Variants in FBXL18 observed in about 807,000 individuals in gnomAD.
FBXL18 encodes the protein F-box/LRR-repeat protein 18.
A neutral mutation model predicts 46.0 loss-of-function variants in FBXL18; 36 were observed. That is an observed-to-expected ratio of 0.78 (90% confidence interval 0.60 to 1.03). The LOEUF (loss-of-function observed/expected upper bound fraction) is 1.03. FBXL18 is among the 50% of genes least tolerant of loss of function. The pLI is 0.00. For synonymous variants in FBXL18, 557 were observed against 465.3 expected (o/e 1.20, Z -2.54); for missense variants, 977 against 1,004.1 (o/e 0.97, Z 0.36).
intron 4 of FBXL18, chr7:5,489,425 A>C: frequency 2.2e-6 from 1 of 456,184 alleles, no homozygotes; most frequent in South Asian, 1.7e-5. Context: ...ACCTGAGGTC[A>C]GGAGTTAGAG....
chr7:5,462,689 T>C (rs1015255204), intron 4 of FBXL18, among the ~76,000 whole-genome samples: 1 of 151,762 alleles, frequency 6.6e-6, no homozygotes, highest in Non-Finnish European at 1.5e-5. Flanking sequence ...CAGTGGCTCA[T>C]GCCTGTAATC....
intron 3 of FBXL18, among the ~76,000 whole-genome samples, chr7:5,491,702 C>A (rs1783931325): frequency 6.6e-6 from 1 of 152,182 alleles, no homozygotes; most frequent in Admixed American, 6.5e-5. Context: ...GTCTACAGAG[C>A]CCGGCTTCAA....
downstream of FBXL18, among the ~76,000 whole-genome samples, chr7:5,472,427 C>G (rs145670411): frequency 6.6e-6 from 1 of 152,286 alleles, no homozygotes; most frequent in African/African-American, 2.4e-5. Flanking sequence ...AGGGCCCGTC[C>G]TTCTGGTTTT....
intron 3 of FBXL18, among the ~76,000 whole-genome samples, chr7:5,492,729 C>T (rs531576124): frequency 5.3e-5 from 8 of 152,206 alleles, no homozygotes; most frequent in East Asian, 3.9e-4. Flanking sequence ...CAGACACAGA[C>T]AGAAGGCGGC....
intron 4 of FBXL18, among the ~76,000 whole-genome samples, chr7:5,463,004 T>TATATACAC (rs1221961422): frequency 6.0e-5 from 5 of 83,932 alleles, no homozygotes; most frequent in African/African-American, 7.8e-5. Flanking sequence ...ATAATATATA[T>TATATACAC]ACACACACAC....
rs374566223 is a variant in FBXL18 at position 5,500,805 on chromosome 7, G to T, written c.1464C>A (p.Leu488=). The T allele has an allele frequency of 1.0e-4, 161 of 1,612,470 alleles. No individual in the cohort carries two copies. The highest frequency in any genetic ancestry group is 1.3e-4 in the Non-Finnish European group (153 of 1,179,774). ...AGGAGAAGTTGGACCCAATCAGCTC[G>T]AGGTGTTCCAGGAAGGGCAGGTTCT... is the stretch of plus-strand genomic sequence containing the variant. ...LLKNLPFLEH[L]ELIGSNFSSA... The change falls in exon 3 of 5, where the codon CTC becomes CTA. Residue 488 remains leucine, a synonymous_variant. Transcript: ENST00000382368.
chr7:5,505,294 G>A, intron 2 of FBXL18, 118 bp downstream of exon 2: 1 of 933,670 alleles, frequency 1.1e-6, no homozygotes, highest in Admixed American at 2.4e-5. Flanking sequence ...CGCCAGTCAG[G>A]ACTTGGAGTT....
intron 2 of FBXL18, 114 bp from the exon 3 acceptor site, chr7:5,502,145 G>GCTCTCCACCGGGAGGGAAT: frequency 1.3e-6 from 1 of 751,242 alleles, no homozygotes; most frequent in Non-Finnish European, 2.1e-6. Flanking sequence ...CGGGAGGGAA[G>GCTCTCCACCGGGAGGGAAT]CTCCCCACCT....
downstream of FBXL18, among the ~76,000 whole-genome samples, chr7:5,474,777 G>A (rs370162226): frequency 2.5e-4 from 37 of 150,510 alleles, no homozygotes; most frequent in South Asian, 5.6e-3. Context: ...GCGCGATCTC[G>A]GCTCACTGCA....
intron 3 of FBXL18, among the ~76,000 whole-genome samples, chr7:5,498,356 G>A (rs1419194850): frequency 2.6e-5 from 4 of 152,178 alleles, no homozygotes; most frequent in Non-Finnish European, 4.4e-5. Context: ...AAAGTGCTGG[G>A]ATTACAGGCG....
At chr7:5,509,168 G>A (rs185831890) in intron 1 of FBXL18, among the ~76,000 whole-genome samples, 4 of 149,202 alleles carry the variant, frequency 2.7e-5, no homozygotes, top group African/African-American at 9.9e-5. Context: ...ACTCCAGCCT[G>A]GGTGACAGAG....
At chr7:5,512,055 G>A (rs1442041446) in intron 1 of FBXL18, among the ~76,000 whole-genome samples, 2 of 147,362 alleles carry the variant, frequency 1.4e-5, no homozygotes, top group Non-Finnish European at 3.0e-5. Context: ...CTAACACGGT[G>A]AAACCCCGTC....
Position 5,477,765 on chromosome 7 carries a change from G to A in FBXL18, c.*4010C>T, listed in dbSNP as rs891356550. On this transcript the variant is annotated 3_prime_UTR_variant, in exon 5 of 5. Coordinates refer to ENST00000382368, the MANE Select transcript of FBXL18 (RefSeq NM_024963.6). This position sits in a 1 kb window ranked among gnomAD's most constrained non-coding sequence, Gnocchi z 4.4. ...CTAAAAGGAGCAGATAACAGGGGAAGAGGAGGTGGGAGGCTGCCACAGCGC... is the reference window on the plus strand; with the variant it reads ...CTAAAAGGAGCAGATAACAGGGGAAAAGGAGGTGGGAGGCTGCCACAGCGC... 2 of 152,174 alleles carry A rather than the reference G, an allele frequency of 1.3e-5. No homozygotes were observed. Among genetic ancestry groups the A allele is most frequent in the East Asian group, 1.9e-4 (1 of 5,192 alleles). The allele number at this position is 152,174 out of a possible 1,614,324, so 9.4% of individuals were successfully genotyped here. A position where few individuals can be genotyped will look rare whatever the true frequency, so the allele number is the denominator to read the frequency against.
rs1191990096 is a variant in FBXL18, at chr7:5,500,961, G to T, written c.1308C>A (p.Pro436=). 4 of 1,535,168 alleles carry T rather than the reference G, an allele frequency of 2.6e-6. No individual in the cohort carries two copies. The highest frequency in any genetic ancestry group is 3.5e-6 in the Non-Finnish European group (4 of 1,146,634). The change falls in exon 3 of 5, where the codon CCC becomes CCA. Residue 436 remains proline, a synonymous_variant. Coordinates refer to ENST00000382368, the MANE Select transcript of FBXL18 (RefSeq NM_024963.6). ...ADSAPRADRA[P]AQPAMHAVPR... is the part of the protein sequence containing the mutation. ...GCACTGCGTGCATGGCCGGCTGGGC[G>T]GGCGCGCGGTCGGCGCGCGGCGCGG... is the stretch of plus-strand genomic sequence containing the variant.
rs775570591 is a variant in FBXL18 at position 5,500,977 on chromosome 7, C to T, written c.1292G>A (p.Arg431His). The T allele has an allele frequency of 2.8e-5, 44 of 1,544,514 alleles. No homozygotes were observed. The highest frequency in any genetic ancestry group is 1.4e-5 in the African/African-American group (1 of 72,764). Residue 431 changes from arginine to histidine, a missense_variant, in exon 3 of 5, where the codon CGC becomes CAC. Transcript: ENST00000382368. Reference sequence around the variant, plus strand: ...CGGCTGGGCGGGCGCGCGGTCGGCGCGCGGCGCGGAGTCAGCGACAGAGCA... The same window carrying T: ...CGGCTGGGCGGGCGCGCGGTCGGCGTGCGGCGCGGAGTCAGCGACAGAGCA... ...PVCSVADSAP[R>H]ADRAPAQPAM... is the part of the protein sequence containing the mutation.
chr7:5,502,873 A>C (rs936099576), intron 2 of FBXL18, among the ~76,000 whole-genome samples: 1 of 150,934 alleles, frequency 6.6e-6, no homozygotes, highest in Admixed American at 6.6e-5. Flanking sequence ...TTCCTCAAAA[A>C]GCTAAACATA....
At chr7:5,466,112 C>T (rs1164277978) in intron 4 of FBXL18, among the ~76,000 whole-genome samples, 1 of 151,582 alleles carries the variant, frequency 6.6e-6, no homozygotes, top group East Asian at 1.9e-4. Context: ...GCTACCGCAC[C>T]TGGCCCTCCT....
intron 1 of FBXL18, among the ~76,000 whole-genome samples, chr7:5,510,627 A>C (rs1172886658): frequency 1.3e-5 from 2 of 150,730 alleles, no homozygotes; most frequent in Non-Finnish European, 2.9e-5. Flanking sequence ...TGGTGGCTTC[A>C]GTGAGCCATG....
At chr7:5,492,561 G>C (rs976989965) in intron 3 of FBXL18, among the ~76,000 whole-genome samples, 3 of 152,104 alleles carry the variant, frequency 2.0e-5, no homozygotes, top group Non-Finnish European at 4.4e-5. Flanking sequence ...CACACACTAT[G>C]CAGGAGTCCT....
Sources: allele counts gnomAD v4.1 joint callset (sites outside exome capture counted in the v4.1 genomes callset), GRCh38; gene constraint gnomAD v4.1.1; non-coding constraint Gnocchi (gnomAD v3.1); transcripts MANE v1.5; gene names NCBI Gene and HGNC (gene_info 2026-07-23, HGNC 2026-07-21).